The following KANSL1 variants were observed in gnomAD, a reference collection of about 807,000 sequenced individuals.
KANSL1 encodes KAT8 regulatory NSL complex subunit 1.
A neutral mutation model predicts 103.6 loss-of-function variants in KANSL1; 22 were observed. That is an observed-to-expected ratio of 0.21 (90% confidence interval 0.15 to 0.30). The LOEUF (loss-of-function observed/expected upper bound fraction) is 0.30, where lower values mean the gene tolerates loss of function less well. Among genes scored for constraint, KANSL1 ranks in the 10% least tolerant of loss-of-function variants. The pLI is 1.00. For synonymous variants in KANSL1, 600 were observed against 527.6 expected (o/e 1.14, Z -1.88); for missense variants, 1,337 against 1,399.8 (o/e 0.96, Z 0.72).
At chr17:46,201,520 ATGGTTCTCT>A (rs748741167) in intron 1 of KANSL1, among the ~76,000 whole-genome samples, 1 of 152,190 alleles carries the variant, frequency 6.6e-6, no homozygotes, top group Non-Finnish European at 1.5e-5. Context: ...TTTGCTTCTG[ATGGTTCTCT>A]GAACCATCAG....
chr17:46,181,313 A>C (rs2046779876), intron 1 of KANSL1, among the ~76,000 whole-genome samples: 1 of 152,226 alleles, frequency 6.6e-6, no homozygotes, highest in Non-Finnish European at 1.5e-5. Flanking sequence ...AGTCTAGCCC[A>C]GGTCCTCATC....
intron 1 of KANSL1, among the ~76,000 whole-genome samples, chr17:46,210,987 C>G (rs953414133): frequency 6.6e-6 from 1 of 152,074 alleles, no homozygotes; most frequent in Non-Finnish European, 1.5e-5. Context: ...TTCTAACCAT[C>G]AGACCTAACT....
intron 2 of KANSL1, among the ~76,000 whole-genome samples, chr17:46,139,746 G>A (rs2532314): frequency 5.3e-5 from 8 of 151,834 alleles, no homozygotes; most frequent in East Asian, 1.9e-4. Context: ...GTTAGTTTCC[G>A]TCCCTCTCCT....
At chr17:46,057,350 T>TA (rs890013611) in intron 6 of KANSL1, among the ~76,000 whole-genome samples, 33 of 150,776 alleles carry the variant, frequency 2.2e-4, no homozygotes, top group African/African-American at 5.6e-4. Flanking sequence ...AATTGGTAAA[T>TA]AAAAAAAAAC....
At chr17:46,059,066 G>T (rs1276075087) in intron 6 of KANSL1, among the ~76,000 whole-genome samples, 4 of 146,164 alleles carry the variant, frequency 2.7e-5, no homozygotes, top group Non-Finnish European at 6.0e-5. Context: ...AAAAAAGAAA[G>T]AAAGAAAAAA....
At chr17:46,159,146 G>C (rs2045596809) in intron 2 of KANSL1, among the ~76,000 whole-genome samples, 1 of 152,188 alleles carries the variant, frequency 6.6e-6, no homozygotes, top group Admixed American at 6.5e-5. Context: ...AGGCTACATG[G>C]AGGGTCACCG....
chr17:46,212,211 T>C (rs1238708486), intron 1 of KANSL1, among the ~76,000 whole-genome samples: 1 of 152,026 alleles, frequency 6.6e-6, no homozygotes, highest in Non-Finnish European at 1.5e-5. Context: ...CTCAACATCC[T>C]AAGACATTAA....
intron 6 of KANSL1, among the ~76,000 whole-genome samples, chr17:46,062,104 A>C (rs1277897017): frequency 7.8e-5 from 5 of 64,248 alleles, no homozygotes; most frequent in South Asian, 6.3e-4. Flanking sequence ...AAAAAAAAAA[A>C]AAAAACAAAC....
intron 1 of KANSL1, 159 bp downstream of exon 1, chr17:46,192,664 C>G (rs574737192): frequency 6.5e-6 from 1 of 153,430 alleles, no homozygotes; most frequent in African/African-American, 2.4e-5. Flanking sequence ...AGCAGGGAAG[C>G]CCGGAGAGGC....
At chr17:46,144,841 C>G (rs143201872) in intron 2 of KANSL1, among the ~76,000 whole-genome samples, 1 of 152,178 alleles carries the variant, frequency 6.6e-6, no homozygotes, top group Non-Finnish European at 1.5e-5. Flanking sequence ...GCCAAACTTA[C>G]GACTACACCT....
intron 2 of KANSL1, among the ~76,000 whole-genome samples, chr17:46,135,354 A>G (rs756211601): frequency 1.7e-4 from 26 of 152,114 alleles, no homozygotes; most frequent in Non-Finnish European, 3.2e-4. Flanking sequence ...GTCTCTCTGA[A>G]TATTTCACAA....
chr17:46,094,673 C>T lies in KANSL1; in HGVS notation c.1318G>A (p.Ala440Thr), dbSNP rs1240185267. Residue 440 changes from alanine (A) to threonine (T), a missense_variant, in exon 3 of 15, where the codon GCA (alanine) becomes ACA (threonine). Physicochemically the swap from Ala to Thr is moderately conservative, Grantham distance 58 (BLOSUM62 0). Coordinates refer to ENST00000432791, the MANE Select transcript of KANSL1 (RefSeq NM_015443.4). Reference protein sequence around the residue: ...LRRRSEWKWAADRAAIVSRWN... With the variant: ...LRRRSEWKWATDRAAIVSRWN... ...CGGCTGACAATAGCTGCCCGGTCTG[C>T]AGCCCATTTCCATTCTGACCTGCGT... 1 of 1,614,168 alleles carries T rather than the reference C, an allele frequency of 6.2e-7. No homozygotes were observed. Among genetic ancestry groups the T allele is most frequent in the Non-Finnish European group, 8.5e-7 (1 of 1,180,046 alleles).
rs903775126 is a variant in KANSL1 at position 46,170,789 on chromosome 17, C to T, written c.1289+66G>A. 28 of 1,447,892 alleles carry T rather than the reference C, an allele frequency of 1.9e-5. No homozygotes were observed. The Middle Eastern group carries it at 5.5e-4, about 28-fold the overall frequency. The allele number at this position is 1,447,892 out of a possible 1,614,324, so 89.7% of individuals were successfully genotyped here. ...AAGAATCACATTCTCTCCATAATGG[C>T]GATTCATTCATTCTTCCTTGTGCCA... On this transcript the variant is annotated intron_variant, in intron 2 of 14. Transcript: ENST00000432791.
At chr17:46,160,696 C>A (rs1246593783) in intron 2 of KANSL1, among the ~76,000 whole-genome samples, 1 of 152,158 alleles carries the variant, frequency 6.6e-6, no homozygotes, top group Non-Finnish European at 1.5e-5. Context: ...GGCCATTATA[C>A]CTTTCCTCAA....
intron 2 of KANSL1, among the ~76,000 whole-genome samples, chr17:46,167,694 C>CTAGA (rs1382512537): frequency 6.6e-6 from 1 of 152,182 alleles, no homozygotes; most frequent in African/African-American, 2.4e-5. Flanking sequence ...TTAAAAAACT[C>CTAGA]TCTCTAAAGT....
chr17:46,091,161 T>G (rs1277236989), intron 3 of KANSL1, among the ~76,000 whole-genome samples: 1 of 152,216 alleles, frequency 6.6e-6, no homozygotes, highest in Non-Finnish European at 1.5e-5. Flanking sequence ...TGACCCCATG[T>G]GGGCCTACGT....
chr17:46,039,710 G>A lies in KANSL1; in HGVS notation c.2195C>T (p.Thr732Ile). 1 of 1,613,196 alleles carries A rather than the reference G, an allele frequency of 6.2e-7. No homozygotes were observed. Among genetic ancestry groups the A allele is most frequent in the Non-Finnish European group, 8.5e-7 (1 of 1,179,536 alleles). ...GGCTCCCTGACACTTACTGGCTGTT[G>A]TTAGGAAGGAGCTGACCAATTTGTG... ...DRHKLVSSFL[T>I]TAKLSHHQTR... Residue 732 changes from threonine (T) to isoleucine (I), a missense_variant, in exon 8 of 15, where the codon ACA becomes ATA. By Grantham distance (89) the Thr-to-Ile change is moderately conservative (BLOSUM62 -1). Around this residue, in one of 2 missense-constraint regions of KANSL1, gnomAD observed 780 missense variants for 923.4 expected, o/e 0.84. Coordinates refer to ENST00000432791, the MANE Select transcript of KANSL1 (RefSeq NM_015443.4).
At chr17:46,196,810 G>A, upstream of KANSL1, 1 of 198,398 alleles carries the variant, frequency 5.0e-6, no homozygotes, top group Non-Finnish European at 1.0e-5. Flanking sequence ...TTCTTCCTCA[G>A]AAAAGACATT....
chr17:46,148,248 A>G (rs2044845098), intron 2 of KANSL1: 1 of 152,264 alleles, frequency 6.6e-6, no homozygotes, highest in South Asian at 2.1e-4. Context: ...CCCCGAAAGA[A>G]AGCAGTTTTT....
Sources: allele counts gnomAD v4.1 joint callset (sites outside exome capture counted in the v4.1 genomes callset), GRCh38; gene constraint gnomAD v4.1.1; regional missense constraint gnomAD v4.1.1; transcripts MANE v1.5; gene names NCBI Gene and HGNC (gene_info 2026-07-23, HGNC 2026-07-21).